Variants in ARHGEF28 observed in about 807,000 individuals in gnomAD.
ARHGEF28 encodes 190 kDa guanine nucleotide exchange factor.
A neutral mutation model predicts 206.6 loss-of-function variants in ARHGEF28; 152 were observed. That is an observed-to-expected ratio of 0.74 (90% CI 0.64 to 0.84). ARHGEF28 has a LOEUF of 0.84. Ranked by LOEUF, ARHGEF28 falls within the 40% of genes least tolerant of loss-of-function variation. The pLI is 0.00. For synonymous variants in ARHGEF28, 763 were observed against 776.4 expected, an observed-to-expected ratio of 0.98 and a Z score of 0.29; for missense variants, 2,028 against 2,073.2, an observed-to-expected ratio of 0.98 and a Z score of 0.42.
At chr5:73,829,602 G>A (rs949520294) in intron 9 of ARHGEF28, among the ~76,000 whole-genome samples, 12 of 151,908 alleles carry the variant, frequency 7.9e-5, no homozygotes, top group South Asian at 2.1e-4. Flanking sequence ...GGATGGTCTC[G>A]ATCTCCTGAC....
chr5:73,940,833 G>C lies in ARHGEF28; in HGVS notation c.4949-11G>C. On this transcript the variant is annotated splice_polypyrimidine_tract_variant and intron_variant, in intron 35 of 35. Coordinates refer to ENST00000513042, the MANE Select transcript of ARHGEF28 (RefSeq NM_001177693.2). ...TGGCCTCCTGTAACCTGTGCTGTCT[G>C]TTTCTTGCAGATTTGGACACCTCCC... 6.8e-7 allele frequency: 1 copy of C among 1,478,392 alleles called. No individual in the cohort carries two copies. Among genetic ancestry groups the C allele is most frequent in the South Asian group, 1.4e-5 (1 of 72,876 alleles). The allele number at this position is 1,478,392 out of a possible 1,614,324, so 91.6% of individuals were successfully genotyped here. A position where few individuals can be genotyped will look rare whatever the true frequency, so the allele number is the denominator to read the frequency against.
chr5:73,937,963 GA>G (rs998206951), intron 35 of ARHGEF28, among the ~76,000 whole-genome samples: 3 of 152,142 alleles, frequency 2.0e-5, no homozygotes, highest in Admixed American at 6.5e-5. Flanking sequence ...AGTTCAGGTA[GA>G]AACCAAGAAG....
chr5:73,850,169 T>C (rs1306311546), intron 13 of ARHGEF28, among the ~76,000 whole-genome samples: 1 of 151,708 alleles, frequency 6.6e-6, no homozygotes, highest in African/African-American at 2.4e-5. Context: ...AATAATGACA[T>C]ATATGCTAGA....
intron 1 of ARHGEF28, among the ~76,000 whole-genome samples, chr5:73,659,521 T>C (rs1745449751): frequency 7.3e-6 from 1 of 137,420 alleles, no homozygotes; most frequent in Admixed American, 8.1e-5. Flanking sequence ...AGAGCAAGAC[T>C]CCGTCTCAAA....
chr5:73,754,292 T>A (rs1752185296), intron 4 of ARHGEF28, among the ~76,000 whole-genome samples: 1 of 152,220 alleles, frequency 6.6e-6, no homozygotes, highest in African/African-American at 2.4e-5. Context: ...TTTCCTTTAA[T>A]CAGGGTCACA....
At chr5:73,880,944 A>AAG (rs1653269492) in intron 22 of ARHGEF28, among the ~76,000 whole-genome samples, 1 of 151,760 alleles carries the variant, frequency 6.6e-6, no homozygotes, top group Non-Finnish European at 1.5e-5. Context: ...CTCAAAAAAA[A>AAG]AAGTTGTACA....
intron 2 of ARHGEF28, among the ~76,000 whole-genome samples, chr5:73,715,131 T>A (rs1198751584): frequency 3.3e-5 from 5 of 152,216 alleles, no homozygotes; most frequent in Non-Finnish European, 7.3e-5. Flanking sequence ...AACAGAACTC[T>A]GATTTAGGCA....
In ARHGEF28 at chr5:73,940,832, T is replaced by G. The variant is rs977169433; in HGVS notation, c.4949-12T>G. 2.7e-6 allele frequency: 4 copies of G among 1,476,466 alleles called. No individual in the cohort carries two copies. The African/African-American group carries it at 4.2e-5, about 16-fold the overall frequency. 91.5% of individuals were successfully genotyped at this position (1,476,466 alleles called of 1,614,324 possible). On this transcript the variant is annotated splice_polypyrimidine_tract_variant and intron_variant, in intron 35 of 35. Coordinates refer to ENST00000513042, the MANE Select transcript of ARHGEF28 (RefSeq NM_001177693.2). Reference sequence around the variant, plus strand: ...GTGGCCTCCTGTAACCTGTGCTGTCTGTTTCTTGCAGATTTGGACACCTCC... The same window carrying G: ...GTGGCCTCCTGTAACCTGTGCTGTCGGTTTCTTGCAGATTTGGACACCTCC...
At chr5:73,936,539 A>G (rs1187950077) in intron 35 of ARHGEF28, among the ~76,000 whole-genome samples, 3 of 152,206 alleles carry the variant, frequency 2.0e-5, no homozygotes, top group Non-Finnish European at 4.4e-5. Context: ...ACTGAGCCCA[A>G]ATACAACTGT....
intron 4 of ARHGEF28, among the ~76,000 whole-genome samples, chr5:73,755,294 A>G (rs899999818): frequency 4.0e-5 from 6 of 150,330 alleles, no homozygotes; most frequent in African/African-American, 1.5e-4. Flanking sequence ...ATTTCTAACT[A>G]TAATATTGGA....
intron 35 of ARHGEF28, among the ~76,000 whole-genome samples, chr5:73,928,419 AAAC>A (rs1428333414): frequency 2.6e-5 from 4 of 152,200 alleles, no homozygotes; most frequent in Admixed American, 6.5e-5. Flanking sequence ...CTTTCTCAAA[AAAC>A]AACAACAGCA....
chr5:73,667,982 C>T (rs1561320459), intron 1 of ARHGEF28, among the ~76,000 whole-genome samples: 1 of 152,190 alleles, frequency 6.6e-6, no homozygotes, highest in Non-Finnish European at 1.5e-5. Flanking sequence ...TTTGAAACCT[C>T]ATCAGAATGG....
intron 2 of ARHGEF28, among the ~76,000 whole-genome samples, chr5:73,747,885 T>A (rs1399821358): frequency 6.6e-6 from 1 of 152,200 alleles, no homozygotes; most frequent in Non-Finnish European, 1.5e-5. Flanking sequence ...TGGAAAGGGT[T>A]GCAATTAAAC....
chr5:73,820,593 T>TCACCCTGACTTGGCCC (rs1465549112), intron 9 of ARHGEF28, among the ~76,000 whole-genome samples: 2 of 152,098 alleles, frequency 1.3e-5, no homozygotes, highest in Non-Finnish European at 2.9e-5. Context: ...CCTTCTGGCT[T>TCACCCTGACTTGGCCC]CACCCTGACT....
At chr5:73,754,312 T>C (rs1455214364) in intron 4 of ARHGEF28, among the ~76,000 whole-genome samples, 1 of 152,180 alleles carries the variant, frequency 6.6e-6, no homozygotes, top group Non-Finnish European at 1.5e-5. Context: ...ACTAAAACTC[T>C]TCTGGGTACT....
intron 1 of ARHGEF28, among the ~76,000 whole-genome samples, chr5:73,634,099 A>G (rs60944843): frequency 6.6e-6 from 1 of 152,006 alleles, no homozygotes; most frequent in Non-Finnish European, 1.5e-5. Context: ...TACATTTTTC[A>G]TATTCACTAC....
chr5:73,738,482 C>CAT (rs1554058458), intron 2 of ARHGEF28, among the ~76,000 whole-genome samples: 1 of 145,584 alleles, frequency 6.9e-6, no homozygotes, highest in Non-Finnish European at 1.5e-5. Context: ...AGAGTGGCCT[C>CAT]GTGTGTGTGT....
At chr5:73,646,557 A>T (rs534881036) in intron 1 of ARHGEF28, among the ~76,000 whole-genome samples, 1 of 152,130 alleles carries the variant, frequency 6.6e-6, no homozygotes. Context: ...TGTACACATC[A>T]TGTGGGTCCT....
chr5:73,732,663 C>T (rs1040263682), intron 2 of ARHGEF28, among the ~76,000 whole-genome samples: 2 of 152,180 alleles, frequency 1.3e-5, no homozygotes, highest in East Asian at 3.8e-4. Context: ...ATCTTTCCAA[C>T]AGAAGGCTCT....
Sources: allele counts gnomAD v4.1 joint callset (sites outside exome capture counted in the v4.1 genomes callset), GRCh38; gene constraint gnomAD v4.1.1; transcripts MANE v1.5; gene names NCBI Gene and HGNC (gene_info 2026-07-23, HGNC 2026-07-21).